Variants in FBXL17 observed in about 807,000 individuals in gnomAD.
FBXL17 encodes the protein F-box and leucine rich repeat protein 17.
In FBXL17, 22 loss-of-function variants were observed where a neutral mutation model predicts 66.2. The observed-to-expected ratio is 0.33, with a 90% confidence interval of 0.24 to 0.47. The LOEUF (loss-of-function observed/expected upper bound fraction) is 0.47, where lower values mean the gene tolerates loss of function less well. Among genes scored for constraint, FBXL17 ranks in the 20% least tolerant of loss-of-function variants. The pLI, the probability that FBXL17 is intolerant of heterozygous loss-of-function variation, is 1.00. For missense variants in FBXL17, 878 were observed against 948.2 expected (o/e 0.93, Z 0.97); for synonymous variants, 474 against 400.5 (o/e 1.18, Z -2.19).
intron 6 of FBXL17, among the ~76,000 whole-genome samples, chr5:108,116,652 T>A (rs2149959509): frequency 6.6e-6 from 1 of 151,058 alleles, no homozygotes; most frequent in East Asian, 1.9e-4. Context: ...GTCTCAAAAA[T>A]AATAATAATA....
intron 6 of FBXL17, among the ~76,000 whole-genome samples, chr5:108,127,481 C>A (rs1406605772): frequency 6.6e-6 from 1 of 152,064 alleles, no homozygotes; most frequent in Non-Finnish European, 1.5e-5. Flanking sequence ...GTCAAATTGG[C>A]ATAAGTGACA....
chr5:108,079,526 T>C (rs1293516014), intron 6 of FBXL17, among the ~76,000 whole-genome samples: 1 of 152,182 alleles, frequency 6.6e-6, no homozygotes, highest in Non-Finnish European at 1.5e-5. Flanking sequence ...CAAAACATAC[T>C]TTACATATGT....
intron 5 of FBXL17, among the ~76,000 whole-genome samples, chr5:108,189,198 G>T (rs976854515): frequency 2.6e-5 from 4 of 151,966 alleles, no homozygotes; most frequent in Non-Finnish European, 5.9e-5. Context: ...CTAGGGTTTC[G>T]CAAGGCAATC....
intron 1 of FBXL17, among the ~76,000 whole-genome samples, chr5:108,371,931 C>G (rs1749066195): frequency 6.6e-6 from 1 of 152,122 alleles, no homozygotes. Flanking sequence ...GTACCAAACT[C>G]AAATTTTTAC....
chr5:107,927,388 T>A (rs955727663), intron 7 of FBXL17, among the ~76,000 whole-genome samples: 36 of 151,996 alleles, frequency 2.4e-4, no homozygotes, highest in African/African-American at 8.5e-4. Context: ...CCTAAAGAAG[T>A]GGATGTTGTA....
At chr5:108,081,974 C>G (rs1748788971) in intron 6 of FBXL17, among the ~76,000 whole-genome samples, 1 of 152,068 alleles carries the variant, frequency 6.6e-6, no homozygotes, top group Non-Finnish European at 1.5e-5. Context: ...AGAGTTAAGC[C>G]TAACTCTCAA....
At chr5:108,352,404 G>A (rs1017454641) in intron 3 of FBXL17, among the ~76,000 whole-genome samples, 1 of 152,330 alleles carries the variant, frequency 6.6e-6, no homozygotes, top group Middle Eastern at 3.4e-3. Context: ...AAAACATTCA[G>A]AGGGCATCAA....
At chr5:107,939,405 T>C (rs967356615) in intron 7 of FBXL17, among the ~76,000 whole-genome samples, 1 of 152,024 alleles carries the variant, frequency 6.6e-6, no homozygotes, top group African/African-American at 2.4e-5. Flanking sequence ...TCTGTCCTCT[T>C]TCTCAATCTT....
intron 8 of FBXL17, among the ~76,000 whole-genome samples, chr5:107,876,172 G>C (rs1748608725): frequency 6.6e-6 from 1 of 152,112 alleles, no homozygotes; most frequent in Non-Finnish European, 1.5e-5. Flanking sequence ...GCAGAGGCGT[G>C]GGGTTAGGTA....
chr5:108,372,024 C>T (rs189395305), intron 1 of FBXL17, among the ~76,000 whole-genome samples: 48 of 152,302 alleles, frequency 3.2e-4, no homozygotes, highest in African/African-American at 1.0e-3. Flanking sequence ...GGTTGCCTTG[C>T]CCTCCTCCCC....
chr5:108,294,321 G>A (rs888408469), intron 4 of FBXL17, among the ~76,000 whole-genome samples: 8 of 148,444 alleles, frequency 5.4e-5, no homozygotes, highest in Admixed American at 2.7e-4. Flanking sequence ...ACTGACAGTA[G>A]TGTTCAAAAT....
intron 4 of FBXL17, among the ~76,000 whole-genome samples, chr5:108,302,606 C>G (rs964076367): frequency 6.6e-6 from 1 of 151,702 alleles, no homozygotes; most frequent in East Asian, 1.9e-4. Context: ...TCTTCAAACC[C>G]TTAACCTAAT....
At chr5:108,254,295 A>G (rs1756482277) in intron 4 of FBXL17, among the ~76,000 whole-genome samples, 1 of 152,238 alleles carries the variant, frequency 6.6e-6, no homozygotes, top group African/African-American at 2.4e-5. Flanking sequence ...CAATTTCCCT[A>G]TTTAAGCTTG....
intron 4 of FBXL17, among the ~76,000 whole-genome samples, chr5:108,292,822 G>A (rs1374758992): frequency 1.3e-5 from 2 of 152,186 alleles, no homozygotes; most frequent in East Asian, 1.9e-4. Context: ...TGTTGAGGCC[G>A]GGCGTGGTGG....
In FBXL17 at chr5:108,133,478, T is replaced by C. The variant is rs547840497; in HGVS notation, c.1745+52639A>G. ...AATCTTAAGTATTTATTTTATTTAC[T>C]CCATTCAGTCATTCAATCAGAGCAC... On this transcript the variant is annotated intron_variant, in intron 6 of 8. Transcript: ENST00000542267. Among the ~76,000 whole-genome samples, 439 of 152,276 alleles carry C rather than the reference T, an allele frequency of 2.9e-3. 3 individuals carry two copies. The highest frequency in any genetic ancestry group is 0.01 in the African/African-American group (425 of 41,558).
chr5:108,013,059 A>T (rs1754246001), intron 7 of FBXL17, among the ~76,000 whole-genome samples: 1 of 150,940 alleles, frequency 6.6e-6, no homozygotes, highest in Admixed American at 6.6e-5. Context: ...AAAGTGGAAT[A>T]TTAATAAAAT....
chr5:107,946,347 T>C (rs1302382143), intron 7 of FBXL17, among the ~76,000 whole-genome samples: 1 of 129,690 alleles, frequency 7.7e-6, no homozygotes, highest in African/African-American at 2.9e-5. Flanking sequence ...CAGGCTGAAG[T>C]GCAGTGACAT....
chr5:107,973,784 C>T (rs1365832910), intron 7 of FBXL17, among the ~76,000 whole-genome samples: 1 of 151,448 alleles, frequency 6.6e-6, no homozygotes, highest in Non-Finnish European at 1.5e-5. Context: ...GGACTGAATC[C>T]TGAATATCTC....
chr5:108,348,560 C>A, intron 3 of FBXL17, 30 bp from the exon 4 acceptor site: 7 of 1,579,930 alleles, frequency 4.4e-6, no homozygotes, highest in South Asian at 3.4e-5. Flanking sequence ...GCTGAATGCT[C>A]AAAAAATAAC....
Sources: allele counts gnomAD v4.1 joint callset (sites outside exome capture counted in the v4.1 genomes callset), GRCh38; gene constraint gnomAD v4.1.1; transcripts MANE v1.5; gene names NCBI Gene and HGNC (gene_info 2026-07-23, HGNC 2026-07-21).